The following MGAT5 variants were observed in gnomAD, a reference collection of about 807,000 sequenced individuals.
The protein encoded by MGAT5 is alpha-1,6-mannosylglycoprotein 6-beta-N-acetylglucosaminyltransferase.
Under a neutral mutation model 94.3 loss-of-function variants are expected in MGAT5, and 30 were observed. The ratio of observed to expected loss-of-function variants is 0.32; its 90% CI spans 0.24 to 0.43. MGAT5 has a LOEUF of 0.43. Among genes scored for constraint, MGAT5 ranks in the 20% least tolerant of loss-of-function variants. MGAT5 has a pLI of 1.00. For synonymous variants in MGAT5, 310 were observed against 322.9 expected, an observed-to-expected ratio of 0.96 and a Z score of 0.43; for missense variants, 691 against 905.5, an observed-to-expected ratio of 0.76 and a Z score of 3.04.
At chr2:134,342,094 C>G (rs2106006302) in intron 7 of MGAT5, among the ~76,000 whole-genome samples, 1 of 152,268 alleles carries the variant, frequency 6.6e-6, no homozygotes, top group East Asian at 1.9e-4. Context: ...TGCTGAAATT[C>G]ATACCACTGC....
At chr2:134,225,455 T>C (rs1681013425) in intron 1 of MGAT5, among the ~76,000 whole-genome samples, 1 of 152,192 alleles carries the variant, frequency 6.6e-6, no homozygotes, top group Non-Finnish European at 1.5e-5. Flanking sequence ...AGGGATTGTG[T>C]TGTGGGCATG....
intron 1 of MGAT5, among the ~76,000 whole-genome samples, chr2:134,256,942 TG>T (rs1465632804): frequency 6.6e-6 from 1 of 152,166 alleles, no homozygotes; most frequent in Non-Finnish European, 1.5e-5. Flanking sequence ...CTTGAGGTAC[TG>T]GGGGGTTATC....
At chr2:134,330,180 T>C (rs534782575) in intron 4 of MGAT5, among the ~76,000 whole-genome samples, 1 of 152,288 alleles carries the variant, frequency 6.6e-6, no homozygotes, top group East Asian at 1.9e-4. Context: ...AATTCTATCT[T>C]TCAGATCTTA....
At chr2:134,402,898 C>A in intron 10 of MGAT5, 90 bp from the exon 11 acceptor site, 1 of 1,286,384 alleles carries the variant, frequency 7.8e-7, no homozygotes, top group Non-Finnish European at 1.1e-6. Flanking sequence ...CTGTCTGTGG[C>A]CTCTAGTCTT....
chr2:134,266,031 G>A (rs922087901), intron 1 of MGAT5, among the ~76,000 whole-genome samples: 1 of 151,736 alleles, frequency 6.6e-6, no homozygotes, highest in Non-Finnish European at 1.5e-5. Flanking sequence ...AGCTGGGTGT[G>A]GTGGCACCTG....
chr2:134,274,454 T>C (rs1481343828), intron 2 of MGAT5, among the ~76,000 whole-genome samples: 1 of 152,140 alleles, frequency 6.6e-6, no homozygotes, highest in Admixed American at 6.5e-5. Context: ...CCATCAATGG[T>C]TATGGGATGT....
chr2:134,286,113 C>A (rs974646554), intron 2 of MGAT5, among the ~76,000 whole-genome samples: 2 of 149,906 alleles, frequency 1.3e-5, no homozygotes, highest in African/African-American at 4.9e-5. Context: ...AAAAAAAATT[C>A]TTACCCTTAC....
intron 1 of MGAT5, among the ~76,000 whole-genome samples, chr2:134,244,356 C>T (rs575593973): frequency 4.0e-4 from 61 of 151,888 alleles, no homozygotes; most frequent in African/African-American, 1.4e-3. Flanking sequence ...TTTGGTCTTG[C>T]TCAAAGCCTT....
chr2:134,231,182 G>A (rs886760720), intron 1 of MGAT5: 3 of 152,142 alleles, frequency 2.0e-5, no homozygotes, highest in African/African-American at 7.2e-5. Context: ...ATGATAAAAT[G>A]TTATATGAAA....
chr2:134,261,973 C>T (rs1349032373), intron 1 of MGAT5, among the ~76,000 whole-genome samples: 1 of 152,186 alleles, frequency 6.6e-6, no homozygotes, highest in African/African-American at 2.4e-5. Flanking sequence ...TATGCATGAT[C>T]CTAACATGGG....
chr2:134,140,621 C>A (rs1686613977), intron 1 of MGAT5, among the ~76,000 whole-genome samples: 1 of 152,202 alleles, frequency 6.6e-6, no homozygotes, highest in African/African-American at 2.4e-5. Context: ...TAATATAACA[C>A]CTGTGCCCAC....
intron 1 of MGAT5, among the ~76,000 whole-genome samples, chr2:134,180,950 T>G (rs1414899639): frequency 6.6e-6 from 1 of 152,238 alleles, no homozygotes; most frequent in African/African-American, 2.4e-5. Flanking sequence ...GCAGATACTT[T>G]CTCAGCGATA....
chr2:134,301,748 T>G (rs1354885482), intron 2 of MGAT5, among the ~76,000 whole-genome samples: 1 of 152,172 alleles, frequency 6.6e-6, no homozygotes, highest in Non-Finnish European at 1.5e-5. Context: ...AGATAAACGG[T>G]AACTGGAGGA....
upstream of MGAT5, among the ~76,000 whole-genome samples, chr2:134,250,164 G>A (rs1341101482): frequency 6.6e-6 from 1 of 152,168 alleles, no homozygotes; most frequent in Non-Finnish European, 1.5e-5. Flanking sequence ...TACTCTTTTA[G>A]AAAGTAGGAG....
chr2:134,357,914 A>C (rs1473536166), intron 9 of MGAT5, among the ~76,000 whole-genome samples: 1 of 152,040 alleles, frequency 6.6e-6, no homozygotes, highest in Non-Finnish European at 1.5e-5. Context: ...AATTTGAAGC[A>C]TAACATTACT....
chr2:134,198,674 G>A (rs1442408710), intron 1 of MGAT5, among the ~76,000 whole-genome samples: 1 of 152,204 alleles, frequency 6.6e-6, no homozygotes, highest in African/African-American at 2.4e-5. Context: ...ATGATATATT[G>A]TAGTGGATCA....
At chr2:134,227,871 G>C (rs572033216) in intron 1 of MGAT5, among the ~76,000 whole-genome samples, 1 of 152,298 alleles carries the variant, frequency 6.6e-6, no homozygotes, top group African/African-American at 2.4e-5. Flanking sequence ...GGCAGAACAG[G>C]TGGAATGAGC....
Position 134,430,524 on chromosome 2 carries a change from AAGGAAGGG to A in MGAT5, c.1869+2097_1869+2104del, listed in dbSNP as rs1351899373. Among the ~76,000 whole-genome samples the A allele has an allele frequency of 7.2e-5, 11 of 152,278 alleles. No homozygotes were observed. In the South Asian group the frequency reaches 2.1e-3, roughly 29 times the overall value. ...TTCCAGGTGACAGAAACAATGAAGG[AAGGAAGGG>A]AGGAAGGGAGGGTGAGTGTGCTTTT... is the stretch of plus-strand genomic sequence containing the variant. On this transcript the variant is annotated intron_variant, in intron 14 of 15. Coordinates refer to ENST00000281923, the MANE Select transcript of MGAT5 (RefSeq NM_002410.5).
chr2:134,303,777 T>C (rs6430506), intron 2 of MGAT5, among the ~76,000 whole-genome samples: 83,989 of 152,006 alleles, frequency 0.55, 26,479 homozygotes, highest in Non-Finnish European at 0.71. Flanking sequence ...CTCCCTCTTT[T>C]TGGGAATATG....
Sources: gnomAD v4.1 joint callset for allele counts (sites outside exome capture counted in the v4.1 genomes callset) on GRCh38, gnomAD v4.1.1 for gene constraint, MANE v1.5 for transcripts, NCBI Gene and HGNC (gene_info 2026-07-23, HGNC 2026-07-21) for gene names.